MEF2C: variants seen among roughly 807,000 people sequenced by gnomAD.
MEF2C encodes the protein myocyte enhancer factor 2C.
Under a neutral mutation model 50.5 loss-of-function variants are expected in MEF2C, and 6 were observed. That is an observed-to-expected ratio of 0.12 (90% CI 0.07 to 0.23). The LOEUF (loss-of-function observed/expected upper bound fraction) is 0.23, where lower values mean the gene tolerates loss of function less well. MEF2C is among the 10% of genes least tolerant of loss of function. The pLI is 1.00. For missense variants in MEF2C, 276 were observed against 605.0 expected, an observed-to-expected ratio of 0.46 and a Z score of 5.70; for synonymous variants, 183 against 228.0, an observed-to-expected ratio of 0.80 and a Z score of 1.78.
intron 1 of MEF2C, among the ~76,000 whole-genome samples, chr5:88,866,293 C>T (rs932384116): frequency 1.3e-5 from 2 of 152,198 alleles, no homozygotes; most frequent in Non-Finnish European, 2.9e-5. Flanking sequence ...TTCTCTTCAA[C>T]AGTGAAACAA....
At chr5:88,810,590 G>A (rs1267161740) in intron 2 of MEF2C, among the ~76,000 whole-genome samples, 1 of 152,114 alleles carries the variant, frequency 6.6e-6, no homozygotes, top group Non-Finnish European at 1.5e-5. Context: ...TAAGCATTTG[G>A]AAAAGTGATG....
chr5:88,780,881 C>G, intron 3 of MEF2C: 2 of 985,336 alleles, frequency 2.0e-6, no homozygotes, highest in Non-Finnish European at 2.4e-6. Context: ...TTCACTTTCT[C>G]TCTCATTGTC....
chr5:88,786,813 TCTA>T (rs1554130678), intron 3 of MEF2C, among the ~76,000 whole-genome samples: 1 of 152,236 alleles, frequency 6.6e-6, no homozygotes, highest in Non-Finnish European at 1.5e-5. Context: ...ATCAAATTAT[TCTA>T]CTTATTCAAG....
At chr5:88,764,416 T>G (rs1779087510) in intron 3 of MEF2C, among the ~76,000 whole-genome samples, 1 of 152,166 alleles carries the variant, frequency 6.6e-6, no homozygotes, top group African/African-American at 2.4e-5. Context: ...GGCCTGACTT[T>G]CCCCTGCCCG....
rs1434299227 is a variant in MEF2C, at chr5:88,747,611, AGT to A, written c.637+1457_637+1458del. The stretch of plus-strand genomic sequence containing the variant: ...TGATCCGCCCGCCTCGGCCTCCCAA[AGT>A]GCTGGGATTACAGGCGTGAGCCACC... On this transcript the variant is annotated intron_variant, in intron 6 of 10. Coordinates refer to ENST00000504921, the MANE Select transcript of MEF2C (RefSeq NM_002397.5). Among the ~76,000 whole-genome samples the A allele has an allele frequency of 2.8e-4, 7 of 25,042 alleles. 2 individuals carry two copies. Among genetic ancestry groups the A allele is most frequent in the East Asian group, 1.4e-3 (1 of 730 alleles). The allele number at this position is 25,042 out of a possible 152,430, so 16.4% of individuals were successfully genotyped here. A position where few individuals can be genotyped will look rare whatever the true frequency, so the allele number is the denominator to read the frequency against.
At chr5:88,878,031 AG>A (rs750435125) in intron 1 of MEF2C, 4 of 152,062 alleles carry the variant, frequency 2.6e-5, no homozygotes, top group Non-Finnish European at 5.9e-5. Flanking sequence ...CTTGAACGAA[AG>A]GAACACACCC....
Position 88,719,491 on chromosome 5 carries a change from G to C in MEF2C, c.*3113C>G, listed in dbSNP as rs1488785462. Reference sequence around the variant, plus strand: ...ATTAGATATAACAATACTCGCAGCCGTGTAAAATGCCACTTATGGATCTTT... The same window carrying C: ...ATTAGATATAACAATACTCGCAGCCCTGTAAAATGCCACTTATGGATCTTT... On this transcript the variant is annotated 3_prime_UTR_variant, in exon 11 of 11. Transcript: ENST00000504921. 6.6e-6 allele frequency: 1 copy of C among 152,148 alleles called. No homozygotes were observed. The highest frequency in any genetic ancestry group is 6.5e-5 in the Admixed American group (1 of 15,270). 9.4% of individuals were successfully genotyped at this position (152,148 alleles called of 1,614,324 possible).
At chr5:88,773,809 G>T (rs1286001349) in intron 3 of MEF2C, among the ~76,000 whole-genome samples, 1 of 152,212 alleles carries the variant, frequency 6.6e-6, no homozygotes, top group African/African-American at 2.4e-5. Flanking sequence ...TGTAAAAGGT[G>T]AGCAGTCTTG....
At chr5:88,749,426 A>G (rs777898589) in intron 5 of MEF2C, 15 of 984,548 alleles carry the variant, frequency 1.5e-5, no homozygotes, top group Non-Finnish European at 1.7e-5. Context: ...TGTTTTATAG[A>G]AAGTGAAAGA....
In MEF2C at chr5:88,804,457, T is replaced by C. The variant is rs1441731559; in HGVS notation, c.258+141A>G. On this transcript the variant is annotated intron_variant, in intron 3 of 10. Coordinates refer to ENST00000504921, the MANE Select transcript of MEF2C (RefSeq NM_002397.5). ...AGAAAAGGTGGAGTAAGAGTTGCGA[T>C]AGATAATAATCCTGGGTCTATCTAT... The C allele has an allele frequency of 8.7e-6, 6 of 686,240 alleles. No homozygotes were observed. The African/African-American group carries it at 8.9e-5, about 10-fold the overall frequency. 42.5% of individuals were successfully genotyped at this position (686,240 alleles called of 1,614,324 possible).
intron 3 of MEF2C, among the ~76,000 whole-genome samples, chr5:88,785,876 T>C (rs1396012160): frequency 3.3e-5 from 5 of 152,198 alleles, no homozygotes; most frequent in East Asian, 1.9e-4. Flanking sequence ...AAAATGTTTA[T>C]TGGCACCTAG....
intron 1 of MEF2C, chr5:88,838,726 C>T (rs1816139960): frequency 1.0e-6 from 1 of 985,152 alleles, no homozygotes; most frequent in South Asian, 4.7e-5. Context: ...CCTTGCCACT[C>T]CTCTTTTTCC....
intron 2 of MEF2C, among the ~76,000 whole-genome samples, chr5:88,818,676 T>C (rs1044468908): frequency 6.6e-6 from 1 of 151,984 alleles, no homozygotes; most frequent in Non-Finnish European, 1.5e-5. Context: ...CAAACTATCC[T>C]CTCTGCATCA....
intron 3 of MEF2C, among the ~76,000 whole-genome samples, chr5:88,765,602 T>C (rs1048119441): frequency 6.6e-6 from 1 of 152,178 alleles, no homozygotes; most frequent in African/African-American, 2.4e-5. Context: ...TCGGGCCCTT[T>C]TCTAGCAAAA....
intron 7 of MEF2C, among the ~76,000 whole-genome samples, chr5:88,730,469 A>G (rs1254216216): frequency 1.3e-5 from 2 of 152,142 alleles, no homozygotes; most frequent in South Asian, 2.1e-4. Flanking sequence ...CAGTGTCTCA[A>G]TGTTCATTAT....
At chr5:88,723,497 T>C (rs1757154677) in intron 10 of MEF2C, among the ~76,000 whole-genome samples, 1 of 152,196 alleles carries the variant, frequency 6.6e-6, no homozygotes, top group South Asian at 2.1e-4. Flanking sequence ...GCACAATAAC[T>C]GTATCTGGTA....
At chr5:88,825,581 T>A in intron 1 of MEF2C, 1 of 981,042 alleles carries the variant, frequency 1.0e-6, no homozygotes, top group Non-Finnish European at 1.2e-6. Flanking sequence ...CATATTGAAA[T>A]CACATTAAAA....
intron 2 of MEF2C, among the ~76,000 whole-genome samples, chr5:88,822,813 C>G (rs1426574630): frequency 6.6e-6 from 1 of 151,952 alleles, no homozygotes; most frequent in Non-Finnish European, 1.5e-5. Flanking sequence ...AGGCAAAACA[C>G]TCTTCTCTTC....
intron 1 of MEF2C, among the ~76,000 whole-genome samples, chr5:88,897,490 T>C (rs764311970): frequency 2.0e-5 from 3 of 152,226 alleles, no homozygotes; most frequent in Non-Finnish European, 2.9e-5. Flanking sequence ...TCTCATACGT[T>C]CCATAATAAG....
Sources: gnomAD v4.1 joint callset for allele counts (sites outside exome capture counted in the v4.1 genomes callset) on GRCh38, gnomAD v4.1.1 for gene constraint, MANE v1.5 for transcripts, NCBI Gene and HGNC (gene_info 2026-07-23, HGNC 2026-07-21) for gene names.